GULP1: variants seen among roughly 807,000 people sequenced by gnomAD.
GULP1 encodes the protein PTB domain-containing engulfment adapter protein 1.
In GULP1, 19 loss-of-function variants were observed where a neutral mutation model predicts 40.9. The ratio of observed to expected loss-of-function variants is 0.46; its 90% CI spans 0.32 to 0.68. GULP1 has a LOEUF of 0.68. GULP1 is among the 30% of genes least tolerant of loss of function. The pLI, the probability that GULP1 is intolerant of heterozygous loss-of-function variation, is 0.03. For synonymous variants in GULP1, 119 were observed against 117.6 expected (o/e 1.01, Z -0.08); for missense variants, 312 against 362.2 (o/e 0.86, Z 1.12).
intron 1 of GULP1, among the ~76,000 whole-genome samples, chr2:188,332,215 A>G (rs1252435898): frequency 1.7e-5 from 2 of 120,360 alleles, no homozygotes; most frequent in African/African-American, 3.1e-5. Context: ...TTTTTGAGAC[A>G]GTTTTGCTCT....
At chr2:188,451,557 C>G (rs1356191099) in intron 2 of GULP1, among the ~76,000 whole-genome samples, 1 of 152,124 alleles carries the variant, frequency 6.6e-6, no homozygotes, top group Non-Finnish European at 1.5e-5. Flanking sequence ...TTCCAGCACT[C>G]AAAATGTGTT....
intron 2 of GULP1, among the ~76,000 whole-genome samples, chr2:188,426,379 T>C (rs914207741): frequency 6.6e-6 from 1 of 152,146 alleles, no homozygotes; most frequent in East Asian, 1.9e-4. Flanking sequence ...AGAGAATAGA[T>C]GGTAAGCCTT....
At chr2:188,406,460 A>G (rs1381663051) in intron 2 of GULP1, among the ~76,000 whole-genome samples, 1 of 152,332 alleles carries the variant, frequency 6.6e-6, no homozygotes, top group Non-Finnish European at 1.5e-5. Flanking sequence ...AAACAAAAAT[A>G]CAATCCAACA....
At chr2:188,426,305 G>T (rs2056189946) in intron 2 of GULP1, among the ~76,000 whole-genome samples, 1 of 152,154 alleles carries the variant, frequency 6.6e-6, no homozygotes, top group Non-Finnish European at 1.5e-5. Flanking sequence ...CTAGAGTTAA[G>T]ACTCTAGTTG....
At chr2:188,297,659 A>T (rs2035272190) in intron 1 of GULP1, 1 of 347,416 alleles carries the variant, frequency 2.9e-6, no homozygotes, top group Non-Finnish European at 5.8e-6. Flanking sequence ...CTACCCTCTT[A>T]TAGAAATAAA....
intron 9 of GULP1, 67 bp downstream of exon 9, chr2:188,570,187 C>A: frequency 1.4e-6 from 1 of 706,162 alleles, no homozygotes; most frequent in Non-Finnish European, 2.5e-6. Context: ...ATCACTAGTT[C>A]TGCAATATTT....
At chr2:188,536,021 T>G (rs1432278575) in intron 6 of GULP1, among the ~76,000 whole-genome samples, 2 of 152,136 alleles carry the variant, frequency 1.3e-5, no homozygotes, top group Non-Finnish European at 2.9e-5. Flanking sequence ...TCATGTCTTT[T>G]GCCCACTTTT....
chr2:188,413,301 T>C (rs2054157687), intron 2 of GULP1, among the ~76,000 whole-genome samples: 1 of 152,150 alleles, frequency 6.6e-6, no homozygotes. Flanking sequence ...TAGTTTACAC[T>C]CCCAACAGTG....
At chr2:188,439,642 G>T (rs1401830286) in intron 2 of GULP1, among the ~76,000 whole-genome samples, 1 of 152,032 alleles carries the variant, frequency 6.6e-6, no homozygotes, top group African/African-American at 2.4e-5. Flanking sequence ...ACACCAAATT[G>T]CTATCAGTGG....
In GULP1 at chr2:188,399,699, A is replaced by AAC. The variant is rs1467250507; in HGVS notation, c.-45+15811_-45+15812insCA. On this transcript the variant is annotated intron_variant, in intron 2 of 11. Coordinates refer to ENST00000409830, the MANE Select transcript of GULP1 (RefSeq NM_016315.4). ...ACCCCTGTCCCTACAAGAAAAAAAA[A>AAC]AAAAAAAAAAAAAAACATCAAACTG... Among the ~76,000 whole-genome samples the AAC allele has an allele frequency of 6.7e-4, 99 of 148,294 alleles. 1 individual carries two copies. The highest frequency in any genetic ancestry group is 2.4e-3 in the African/African-American group (98 of 40,494).
intron 2 of GULP1, among the ~76,000 whole-genome samples, chr2:188,464,353 TCAAA>T (rs2059947099): frequency 6.6e-6 from 1 of 152,156 alleles, no homozygotes; most frequent in South Asian, 2.1e-4. Context: ...TTACTTTCTC[TCAAA>T]CAAAGTCCCT....
chr2:188,498,461 A>T (rs1559311392), intron 4 of GULP1, among the ~76,000 whole-genome samples: 2 of 151,942 alleles, frequency 1.3e-5, no homozygotes, highest in Admixed American at 6.6e-5. Flanking sequence ...TCATTCAATA[A>T]ACACTAAACA....
intron 9 of GULP1, among the ~76,000 whole-genome samples, chr2:188,580,017 A>C (rs1026826609): frequency 6.6e-6 from 1 of 152,208 alleles, no homozygotes; most frequent in African/African-American, 2.4e-5. Flanking sequence ...TTATCAATTA[A>C]CAGTTTAAGT....
chr2:188,435,488 G>A (rs780881124), intron 2 of GULP1, among the ~76,000 whole-genome samples: 18 of 151,950 alleles, frequency 1.2e-4, no homozygotes, highest in African/African-American at 4.3e-4. Context: ...GAGATAGCTT[G>A]TGCATTAATT....
At chr2:188,333,652 G>T (rs1232507018) in intron 1 of GULP1, among the ~76,000 whole-genome samples, 1 of 152,138 alleles carries the variant, frequency 6.6e-6, no homozygotes, top group African/African-American at 2.4e-5. Flanking sequence ...TAGGGTTGAA[G>T]AAGTTGTATG....
chr2:188,574,418 G>T (rs1699753220), intron 9 of GULP1, among the ~76,000 whole-genome samples: 1 of 152,090 alleles, frequency 6.6e-6, no homozygotes, highest in Admixed American at 6.5e-5. Context: ...GAGTCCAGGA[G>T]TTGGAGACCA....
intron 1 of GULP1, among the ~76,000 whole-genome samples, chr2:188,305,727 C>A (rs548472631): frequency 1.3e-5 from 2 of 152,298 alleles, no homozygotes; most frequent in South Asian, 4.1e-4. Context: ...TTTGATTTGT[C>A]AGGATAGTTA....
chr2:188,375,381 A>G (rs1212884959), intron 1 of GULP1, among the ~76,000 whole-genome samples: 2 of 152,350 alleles, frequency 1.3e-5, no homozygotes, highest in East Asian at 3.9e-4. Flanking sequence ...GGATATTAAC[A>G]TGAACAAAAT....
At chr2:188,369,979 A>C (rs1289202487) in intron 1 of GULP1, among the ~76,000 whole-genome samples, 2 of 152,072 alleles carry the variant, frequency 1.3e-5, no homozygotes, top group Non-Finnish European at 2.9e-5. Context: ...AGTAGCTGGG[A>C]CTACAGGTGT....
Sources: allele counts gnomAD v4.1 joint callset (sites outside exome capture counted in the v4.1 genomes callset), GRCh38; gene constraint gnomAD v4.1.1; transcripts MANE v1.5; gene names NCBI Gene and HGNC (gene_info 2026-07-23, HGNC 2026-07-21).